The following COX7A2L variants were observed in gnomAD, a reference collection of about 807,000 sequenced individuals.
COX7A2L encodes cytochrome c oxidase subunit 7A2 like.
A neutral mutation model predicts 14.2 loss-of-function variants in COX7A2L; 18 were observed. The observed-to-expected ratio is 1.27, with a 90% confidence interval of 0.88 to 1.88. COX7A2L has a LOEUF of 1.88. Among genes scored for constraint, COX7A2L ranks in the 40% most tolerant of loss-of-function variants. The pLI is 0.00. For missense variants in COX7A2L, 179 were observed against 138.8 expected (o/e 1.29, Z -1.46); for synonymous variants, 65 against 57.4 (o/e 1.13, Z -0.60).
chr2:42,352,230 C>G (rs1022811676), intron 2 of COX7A2L, among the ~76,000 whole-genome samples: 5 of 152,126 alleles, frequency 3.3e-5, no homozygotes, highest in African/African-American at 1.2e-4. Flanking sequence ...AATGCAGTGG[C>G]TCAATCATAG....
chr2:42,351,701 C>T (rs1323594193), intron 2 of COX7A2L, among the ~76,000 whole-genome samples: 2 of 152,124 alleles, frequency 1.3e-5, no homozygotes, highest in Admixed American at 6.5e-5. Context: ...AGGCTGGGCG[C>T]GGTGGCTCAC....
intron 1 of COX7A2L, chr2:42,359,777 C>A (rs1239057508): frequency 2.0e-5 from 3 of 151,426 alleles, no homozygotes; most frequent in Non-Finnish European, 2.9e-5. Flanking sequence ...CATGACATAT[C>A]ACAAACTCAA....
At chr2:42,347,851 G>A (rs1185942377), downstream of COX7A2L, among the ~76,000 whole-genome samples, 3 of 152,202 alleles carry the variant, frequency 2.0e-5, no homozygotes, top group East Asian at 5.8e-4. Flanking sequence ...AACCCAGAAA[G>A]CAGAGGCTGC....
intron 1 of COX7A2L, among the ~76,000 whole-genome samples, chr2:42,354,288 A>T (rs570072609): frequency 6.6e-6 from 1 of 152,212 alleles, no homozygotes; most frequent in African/African-American, 2.4e-5. Flanking sequence ...GGTGGGGGGG[A>T]TCTCTGGTTT....
chr2:42,343,918 C>T (rs1670447577), intron 2 of COX7A2L, among the ~76,000 whole-genome samples: 1 of 152,210 alleles, frequency 6.6e-6, no homozygotes, highest in Non-Finnish European at 1.5e-5. Flanking sequence ...AACAGCTTCA[C>T]AGCAAAGTCA....
chr2:42,355,483 G>A (rs1670786093), intron 1 of COX7A2L, among the ~76,000 whole-genome samples: 1 of 152,134 alleles, frequency 6.6e-6, no homozygotes, highest in African/African-American at 2.4e-5. Context: ...CAAGCATGCA[G>A]TGATTCAAAA....
upstream of COX7A2L, among the ~76,000 whole-genome samples, chr2:42,364,250 C>CA (rs35151680): frequency 0.031 from 2,644 of 85,060 alleles, 101 homozygotes; most frequent in South Asian, 0.058. Context: ...GACTCCGTCT[C>CA]AAAAAAAAAA....
intron 1 of COX7A2L, among the ~76,000 whole-genome samples, chr2:42,367,433 T>C (rs977619848): frequency 7.9e-5 from 12 of 151,688 alleles, no homozygotes; most frequent in Admixed American, 7.2e-4. Context: ...AGAGCTGGGG[T>C]CTTCTCCCGA....
chr2:42,351,285 CAGCGCCA>C lies in COX7A2L; in HGVS notation c.272_278del (p.Met91ArgfsTer10). ...GGCAGTAGATGGTCCCTCCCACAGTCAGCGCCATGGTGGTCCGGTAAAGCATTTGGTC... is the reference window on the plus strand; with the variant it reads ...GGCAGTAGATGGTCCCTCCCACAGTCTGGTGGTCCGGTAAAGCATTTGGTC... On this transcript the variant is annotated frameshift_variant, in exon 3 of 3. Coordinates refer to ENST00000234301, the MANE Select transcript of COX7A2L (RefSeq NM_004718.4). LOFTEE classifies it high-confidence loss of function. The C allele has an allele frequency of 6.2e-7, 1 of 1,614,210 alleles. No individual in the cohort carries two copies. The highest frequency in any genetic ancestry group is 2.2e-5 in the East Asian group (1 of 44,874).
rs573131152 is a variant in COX7A2L at position 42,354,072 on chromosome 2, T to A, written c.73-729A>T. Among the ~76,000 whole-genome samples the A allele has an allele frequency of 3.3e-5, 5 of 152,210 alleles. No individual in the cohort carries two copies. The East Asian group carries it at 9.7e-4, about 29-fold the overall frequency. On this transcript the variant is annotated intron_variant, in intron 1 of 2. Coordinates refer to ENST00000234301, the MANE Select transcript of COX7A2L (RefSeq NM_004718.4). ...AGACAGAAGGTAGGTTAATGGTTGC[T>A]TCAGGTGGGGGCTTGGGGGCTAGGG...
chr2:42,342,707 A>C lies in COX7A2L; in HGVS notation c.193-8838T>G, dbSNP rs1006500900. On this transcript the variant is annotated intron_variant, in intron 2 of 2. Coordinates refer to the COX7A2L transcript ENST00000468711. This position sits in a 1 kb window ranked among gnomAD's most constrained non-coding sequence, Gnocchi z 4.9. ...CTATGTCATAGACGAGGTCAGAACAAGAGAAGGCAGGATGTCCCAGGAGGG... is the reference window on the plus strand; with the variant it reads ...CTATGTCATAGACGAGGTCAGAACACGAGAAGGCAGGATGTCCCAGGAGGG... Among the ~76,000 whole-genome samples, 12 of 152,328 alleles carry C rather than the reference A, an allele frequency of 7.9e-5. No homozygotes were observed. The highest frequency in any genetic ancestry group is 2.6e-4 in the African/African-American group (11 of 41,582).
At position 42,342,320 on chromosome 2, in the gene COX7A2L, C is replaced by G. The variant is rs895461682; in HGVS notation, c.193-8451G>C. 6.6e-6 allele frequency among the ~76,000 whole-genome samples: 1 copy of G among 152,090 alleles called. No homozygotes were observed. Among genetic ancestry groups the G allele is most frequent in the Admixed American group, 6.5e-5 (1 of 15,268 alleles). ...CTCCCTCTCCCTAGGAGAGCTGAGA[C>G]GAGGGACTTGAGCTCTCTGCTTGGC... is the stretch of plus-strand genomic sequence containing the variant. On this transcript the variant is annotated intron_variant, in intron 2 of 2. Coordinates refer to the COX7A2L transcript ENST00000468711. This position sits in a 1 kb window ranked among gnomAD's most constrained non-coding sequence, Gnocchi z 4.9.
At chr2:42,367,477 C>T (rs571483741) in intron 1 of COX7A2L, among the ~76,000 whole-genome samples, 2 of 151,782 alleles carry the variant, frequency 1.3e-5, no homozygotes, top group East Asian at 1.9e-4. Context: ...GGAAACAAAA[C>T]CTATAAAGAA....
rs770698459 is a variant in COX7A2L, at chr2:42,353,137, A to C, written c.204+75T>G. ...GGAGGGTGGGTAGTAAACTAGATTA[A>C]GATTTAGTTTCATAAGGGATTTTTT... On this transcript the variant is annotated intron_variant, in intron 2 of 2. Transcript: ENST00000234301. 1.9e-5 allele frequency: 29 copies of C among 1,527,030 alleles called. No homozygotes were observed. In the Middle Eastern group the frequency reaches 5.1e-4, roughly 27 times the overall value. The allele number at this position is 1,527,030 out of a possible 1,614,324, so 94.6% of individuals were successfully genotyped here. A position where few individuals can be genotyped will look rare whatever the true frequency, so the allele number is the denominator to read the frequency against.
downstream of COX7A2L, among the ~76,000 whole-genome samples, chr2:42,345,768 C>T (rs771459833): frequency 6.6e-6 from 1 of 152,276 alleles, no homozygotes; most frequent in South Asian, 2.1e-4. Flanking sequence ...TTCATACCCC[C>T]GGGGTCATGT....
chr2:42,362,128 G>A (rs1671071980), upstream of COX7A2L, among the ~76,000 whole-genome samples: 1 of 152,164 alleles, frequency 6.6e-6, no homozygotes, highest in African/African-American at 2.4e-5. Context: ...GGGGGAGGGT[G>A]ATCAGAAACA....
At chr2:42,366,836 C>T (rs962726386) in intron 1 of COX7A2L, among the ~76,000 whole-genome samples, 1 of 152,120 alleles carries the variant, frequency 6.6e-6, no homozygotes, top group African/African-American at 2.4e-5. Context: ...CTCTCTTGTT[C>T]TTCCCTCTTC....
downstream of COX7A2L, among the ~76,000 whole-genome samples, chr2:42,347,055 A>G (rs1292912254): frequency 6.6e-6 from 1 of 152,108 alleles, no homozygotes; most frequent in East Asian, 1.9e-4. Context: ...TTGTAGAGAC[A>G]AGGTTTCACC....
chr2:42,348,837 G>C (rs962650923), downstream of COX7A2L, among the ~76,000 whole-genome samples: 4 of 152,100 alleles, frequency 2.6e-5, no homozygotes, highest in Non-Finnish European at 2.9e-5. Context: ...AGAATTGCTT[G>C]AACGTGAGAG....
Sources: gnomAD v4.1 joint callset for allele counts (sites outside exome capture counted in the v4.1 genomes callset) on GRCh38, gnomAD v4.1.1 for gene constraint, Gnocchi (gnomAD v3.1) non-coding constraint, MANE v1.5 for transcripts, NCBI Gene and HGNC (gene_info 2026-07-23, HGNC 2026-07-21) for gene names.